Variants in BIN3 observed in about 807,000 individuals in gnomAD.
The protein encoded by BIN3 is bridging integrator 3.
Under a neutral mutation model 38.2 loss-of-function variants are expected in BIN3, and 41 were observed. The ratio of observed to expected loss-of-function variants is 1.07; its 90% CI spans 0.84 to 1.39. The LOEUF is 1.39. Among genes scored for constraint, BIN3 ranks in the 40% most tolerant of loss-of-function variants. The pLI is 0.00. For synonymous variants in BIN3, 145 were observed against 122.6 expected (o/e 1.18, Z -1.21); for missense variants, 361 against 324.3 (o/e 1.11, Z -0.87).
At chr8:22,624,646 G>A (rs1423437188) in intron 6 of BIN3, 2 of 365,800 alleles carry the variant, frequency 5.5e-6, no homozygotes, top group Non-Finnish European at 9.9e-6. Flanking sequence ...ATGAGAGGAG[G>A]TGGGGTTGTG....
intron 1 of BIN3, among the ~76,000 whole-genome samples, chr8:22,656,945 G>C (rs1803075514): frequency 6.6e-6 from 1 of 152,192 alleles, no homozygotes; most frequent in South Asian, 2.1e-4. Context: ...TTCTGATTAT[G>C]ACACACAGCA....
At chr8:22,647,801 A>T (rs576148503) in intron 1 of BIN3, among the ~76,000 whole-genome samples, 10 of 152,258 alleles carry the variant, frequency 6.6e-5, no homozygotes, top group South Asian at 6.2e-4. Flanking sequence ...AGAACACTTT[A>T]AAAAAATCCT....
chr8:22,667,030 G>C (rs1160315184), intron 1 of BIN3, among the ~76,000 whole-genome samples: 2 of 152,160 alleles, frequency 1.3e-5, no homozygotes, highest in African/African-American at 4.8e-5. Flanking sequence ...TGTGTGCCCA[G>C]GCGCCGGTGC....
intron 1 of BIN3, among the ~76,000 whole-genome samples, chr8:22,648,224 C>CA (rs1429871776): frequency 2.0e-5 from 3 of 150,844 alleles, no homozygotes; most frequent in Non-Finnish European, 4.4e-5. Flanking sequence ...CTTTTATTAA[C>CA]ATCTGATATT....
intron 2 of BIN3, among the ~76,000 whole-genome samples, chr8:22,643,043 T>G (rs1481596489): frequency 6.6e-6 from 1 of 152,222 alleles, no homozygotes; most frequent in Admixed American, 6.5e-5. Flanking sequence ...AGAACAAAGT[T>G]CATTTTGATA....
chr8:22,664,714 G>A (rs894088880), intron 1 of BIN3, among the ~76,000 whole-genome samples: 2 of 152,256 alleles, frequency 1.3e-5, no homozygotes, highest in East Asian at 3.8e-4. Flanking sequence ...AGTTCTTCCA[G>A]GTACTAGCTG....
chr8:22,636,866 A>AG, intron 3 of BIN3, 56 bp downstream of exon 3: 1 of 1,569,386 alleles, frequency 6.4e-7, no homozygotes, highest in Non-Finnish European at 8.8e-7. Flanking sequence ...GAGACCTGGC[A>AG]GGGGGCCCTT....
chr8:22,630,389 G>A, intron 5 of BIN3, 53 bp downstream of exon 5: 1 of 1,605,418 alleles, frequency 6.2e-7, no homozygotes, highest in Non-Finnish European at 8.5e-7. Flanking sequence ...CCACCCAGAG[G>A]CCCAGACCGG....
intron 1 of BIN3, among the ~76,000 whole-genome samples, chr8:22,647,973 CA>C (rs148595413): frequency 0.32 from 46,810 of 144,384 alleles, 7,753 homozygotes; most frequent in East Asian, 0.66. Flanking sequence ...ATAAAAAATA[CA>C]AAAAAAAAAA....
At chr8:22,657,314 T>C (rs988678587) in intron 1 of BIN3, among the ~76,000 whole-genome samples, 2 of 152,192 alleles carry the variant, frequency 1.3e-5, no homozygotes, top group African/African-American at 4.8e-5. Context: ...AAAGGTAGTA[T>C]CATTGTCTTT....
At chr8:22,635,685 C>T (rs1227244371) in intron 4 of BIN3, among the ~76,000 whole-genome samples, 2 of 152,156 alleles carry the variant, frequency 1.3e-5, no homozygotes, top group Non-Finnish European at 2.9e-5. Context: ...TCTCGGGTGA[C>T]GGAACTGAGG....
In BIN3 at chr8:22,636,935, C is replaced by A. The variant is rs780887664; in HGVS notation, c.85G>T (p.Gly29Ter). 27 of 1,613,084 alleles carry A rather than the reference C, an allele frequency of 1.7e-5. No individual in the cohort carries two copies. Among genetic ancestry groups the A allele is most frequent in the African/African-American group, 2.7e-5 (2 of 74,900 alleles). Residue 29 changes from glycine to a stop codon, truncating the protein, a stop_gained, in exon 3 of 9, where the codon GGA (glycine) becomes TGA (stop). Coordinates refer to ENST00000276416, the MANE Select transcript of BIN3 (RefSeq NM_018688.6). LOFTEE classifies it high-confidence loss of function. Reference sequence around the variant, plus strand: ...GTTGACACTCACTGCTGAAGTTTTCCATACTCCCTTTCAAAGTCTCTCTCC... The same window carrying A: ...GTTGACACTCACTGCTGAAGTTTTCAATACTCCCTTTCAAAGTCTCTCTCC... ...TVERDFEREY[G>*]KLQQLEEQTR...
intron 1 of BIN3, among the ~76,000 whole-genome samples, chr8:22,667,727 C>T (rs946754424): frequency 2.0e-5 from 3 of 152,050 alleles, no homozygotes; most frequent in African/African-American, 4.8e-5. Context: ...AAGCTCCTGC[C>T]GGGGCTTATT....
At chr8:22,664,888 A>C (rs1803363087) in intron 1 of BIN3, among the ~76,000 whole-genome samples, 1 of 152,260 alleles carries the variant, frequency 6.6e-6, no homozygotes, top group Non-Finnish European at 1.5e-5. Flanking sequence ...TTCACTGAGA[A>C]AAAAACTGAA....
intron 5 of BIN3, 63 bp downstream of exon 5, chr8:22,630,379 C>A: frequency 1.3e-6 from 2 of 1,598,656 alleles, no homozygotes; most frequent in South Asian, 1.1e-5. Context: ...CCCGCACAGT[C>A]CACCCAGAGG....
At chr8:22,658,831 G>C (rs1803141109) in intron 1 of BIN3, among the ~76,000 whole-genome samples, 1 of 151,704 alleles carries the variant, frequency 6.6e-6, no homozygotes. Context: ...GCTGAGCAAA[G>C]AGTAGGCGGT....
intron 1 of BIN3, among the ~76,000 whole-genome samples, chr8:22,655,004 C>G (rs1803011513): frequency 6.6e-6 from 1 of 152,182 alleles, no homozygotes; most frequent in Admixed American, 6.5e-5. Context: ...TTCATTTTAG[C>G]CATCCTAGTG....
At chr8:22,641,593 A>C (rs551819386) in intron 2 of BIN3, among the ~76,000 whole-genome samples, 17 of 152,272 alleles carry the variant, frequency 1.1e-4, no homozygotes, top group Admixed American at 5.9e-4. Context: ...CTCTGCGTGG[A>C]AAGTGGGCTC....
intron 6 of BIN3, among the ~76,000 whole-genome samples, chr8:22,629,336 G>A (rs1054303661): frequency 2.6e-5 from 4 of 152,122 alleles, no homozygotes; most frequent in African/African-American, 9.7e-5. Context: ...GAAGTGATTC[G>A]GGGCTTTAAG....
Sources: gnomAD v4.1 joint callset for allele counts (sites outside exome capture counted in the v4.1 genomes callset) on GRCh38, gnomAD v4.1.1 for gene constraint, MANE v1.5 for transcripts, NCBI Gene and HGNC (gene_info 2026-07-23, HGNC 2026-07-21) for gene names.